The following MMD variants were observed in gnomAD, a reference collection of about 807,000 sequenced individuals.
MMD encodes monocyte to macrophage differentiation factor.
MMD carries 22 observed loss-of-function variants against 33.6 expected under a neutral mutation model. The observed-to-expected ratio is 0.66, with a 90% confidence interval of 0.47 to 0.94. The LOEUF is 0.94. Among genes scored for constraint, MMD ranks in the 40% least tolerant of loss-of-function variants. The pLI is 0.00. For synonymous variants in MMD, 97 were observed against 103.2 expected (o/e 0.94, Z 0.36); for missense variants, 242 against 309.8 (o/e 0.78, Z 1.64).
Position 55,403,788 on chromosome 17 carries a change from T to A in MMD, c.425A>T (p.Tyr142Phe). 1 of 1,612,734 alleles carries A rather than the reference T, an allele frequency of 6.2e-7. No individual in the cohort carries two copies. The highest frequency in any genetic ancestry group is 8.5e-7 in the Non-Finnish European group (1 of 1,179,332). The part of the protein sequence containing the change: ...IWLMAAGGTI[Y>F]VFLYHEKYKV... ...TTACTTTTCATGGTAGAGAAATACA[T>A]AAATGGTTCCTCCAGCTGCCATGAG... The change falls in exon 5 of 7, where the codon TAT becomes TTT. Residue 142 changes from tyrosine to phenylalanine, a missense_variant. Transcript: ENST00000262065.
At chr17:55,415,974 A>G (rs1405753702) in intron 1 of MMD, among the ~76,000 whole-genome samples, 1 of 152,238 alleles carries the variant, frequency 6.6e-6, no homozygotes, top group Non-Finnish European at 1.5e-5. Flanking sequence ...GAGTGTTGCT[A>G]TACAGCTCTT....
chr17:55,411,026 T>C (rs939347696), intron 3 of MMD, among the ~76,000 whole-genome samples: 13 of 152,144 alleles, frequency 8.5e-5, no homozygotes, highest in Admixed American at 7.9e-4. Context: ...TAGGTTTTGT[T>C]TGGGGTTACT....
chr17:55,403,730 AT>A, intron 5 of MMD, 36 bp downstream of exon 5: 1 of 1,523,638 alleles, frequency 6.6e-7, no homozygotes, highest in Non-Finnish European at 9.0e-7. Flanking sequence ...TAGGCAGTCA[AT>A]TTTAAAACTA....
rs534282038 is a variant in MMD, at chr17:55,393,343, T to C, written c.*991A>G. 1.3e-5 allele frequency: 2 copies of C among 151,450 alleles called. No individual in the cohort carries two copies. The highest frequency in any genetic ancestry group is 4.9e-5 in the African/African-American group (2 of 41,236). The allele number at this position is 151,450 out of a possible 1,614,324, so 9.4% of individuals were successfully genotyped here. ...CTAGTTCCACAATTTAAAATAAATA[T>C]CAAACTGACAATATAAAGCTAAGTG... On this transcript the variant is annotated 3_prime_UTR_variant, in exon 7 of 7. Coordinates refer to ENST00000262065, the MANE Select transcript of MMD (RefSeq NM_012329.3).
chr17:55,398,126 A>AAG (rs1555615094), intron 6 of MMD, among the ~76,000 whole-genome samples: 8 of 125,758 alleles, frequency 6.4e-5, no homozygotes, highest in Non-Finnish European at 1.2e-4. Context: ...AAAAAAAAAA[A>AAG]AAAGAAAAGA....
chr17:55,416,735 G>T (rs774699873), intron 1 of MMD, among the ~76,000 whole-genome samples: 1 of 152,144 alleles, frequency 6.6e-6, no homozygotes, highest in Non-Finnish European at 1.5e-5. Flanking sequence ...AATGGGAAAG[G>T]TTCAAGTGCT....
rs1447372484 is a variant in MMD, at chr17:55,393,339, A to G, written c.*995T>C. ...GCATCTAGTTCCACAATTTAAAATA[A>G]ATATCAAACTGACAATATAAAGCTA... On this transcript the variant is annotated 3_prime_UTR_variant, in exon 7 of 7. Transcript: ENST00000262065. 6.6e-6 allele frequency: 1 copy of G among 152,366 alleles called. No individual in the cohort carries two copies. The highest frequency in any genetic ancestry group is 1.9e-4 in the East Asian group (1 of 5,202). 9.4% of individuals were successfully genotyped at this position (152,366 alleles called of 1,614,324 possible).
At chr17:55,411,153 T>C in intron 3 of MMD, 104 bp downstream of exon 3, 1 of 1,294,834 alleles carries the variant, frequency 7.7e-7, no homozygotes, top group Non-Finnish European at 1.1e-6. Context: ...CAGAAAAATG[T>C]CTACTCTTTG....
chr17:55,396,982 C>A (rs1308975653), intron 6 of MMD, among the ~76,000 whole-genome samples: 1 of 152,120 alleles, frequency 6.6e-6, no homozygotes, highest in African/African-American at 2.4e-5. Context: ...TATTATTATA[C>A]CCCCTATACA....
At chr17:55,402,552 T>C (rs563315049) in intron 5 of MMD, among the ~76,000 whole-genome samples, 11 of 152,238 alleles carry the variant, frequency 7.2e-5, no homozygotes, top group Non-Finnish European at 2.9e-5. Context: ...TACTCCCTAA[T>C]GTCTGCCAAA....
chr17:55,401,174 T>C (rs116120551), intron 6 of MMD, among the ~76,000 whole-genome samples: 1,653 of 152,288 alleles, frequency 0.011, 21 homozygotes, highest in African/African-American at 0.037. Context: ...TTTATTATTT[T>C]TTTGAGACAG....
At chr17:55,395,353 A>G (rs1907060114) in intron 6 of MMD, among the ~76,000 whole-genome samples, 1 of 152,222 alleles carries the variant, frequency 6.6e-6, no homozygotes, top group African/African-American at 2.4e-5. Context: ...ATTTCTGAGG[A>G]CTAGGAATAG....
chr17:55,419,664 C>T (rs1050267708), intron 1 of MMD, among the ~76,000 whole-genome samples: 5 of 152,198 alleles, frequency 3.3e-5, no homozygotes, highest in Non-Finnish European at 5.9e-5. Context: ...CATTACATTA[C>T]TTTTTGTTTA....
Position 55,417,466 on chromosome 17 carries a change from TC to T in MMD, c.27-3235del, listed in dbSNP as rs1433091356. On this transcript the variant is annotated intron_variant, in intron 1 of 6. Coordinates refer to ENST00000262065, the MANE Select transcript of MMD (RefSeq NM_012329.3). ...CTGCTTGACCCAGTACAGACTCTCT[TC>T]TTTACATAGCAGCTACAGTTTTCCA... is the stretch of plus-strand genomic sequence containing the variant. Among the ~76,000 whole-genome samples, 6 of 152,132 alleles carry T rather than the reference TC, an allele frequency of 3.9e-5. No homozygotes were observed. The East Asian group carries it at 1.2e-3, about 30-fold the overall frequency.
At chr17:55,417,766 T>G (rs930343597) in intron 1 of MMD, among the ~76,000 whole-genome samples, 2 of 152,092 alleles carry the variant, frequency 1.3e-5, no homozygotes, top group African/African-American at 4.8e-5. Flanking sequence ...ACCACTGCAC[T>G]CCAGTCTGGG....
chr17:55,415,843 A>G (rs1018540256), intron 1 of MMD, among the ~76,000 whole-genome samples: 1 of 152,252 alleles, frequency 6.6e-6, no homozygotes, highest in African/African-American at 2.4e-5. Context: ...AAAGAGAAAT[A>G]TACAGTTAGT....
At chr17:55,397,858 T>C (rs1026674199) in intron 6 of MMD, among the ~76,000 whole-genome samples, 1 of 152,122 alleles carries the variant, frequency 6.6e-6, no homozygotes, top group Non-Finnish European at 1.5e-5. Flanking sequence ...GCATTTTAAA[T>C]GTGCCATTAC....
intron 5 of MMD, among the ~76,000 whole-genome samples, chr17:55,402,866 T>C (rs1382667767): frequency 6.6e-6 from 1 of 152,230 alleles, no homozygotes; most frequent in Non-Finnish European, 1.5e-5. Flanking sequence ...AAAAAGAAGT[T>C]AGTGAAAACT....
chr17:55,396,922 G>A (rs1342886712), intron 6 of MMD, among the ~76,000 whole-genome samples: 1 of 151,964 alleles, frequency 6.6e-6, no homozygotes, highest in Non-Finnish European at 1.5e-5. Context: ...GCCAGTGGTG[G>A]TTATTCTACG....
Sources: allele counts gnomAD v4.1 joint callset (sites outside exome capture counted in the v4.1 genomes callset), GRCh38; gene constraint gnomAD v4.1.1; transcripts MANE v1.5; gene names NCBI Gene and HGNC (gene_info 2026-07-23, HGNC 2026-07-21).